Variants in CNTLN observed in about 807,000 individuals in gnomAD.
CNTLN encodes centlein.
CNTLN carries 212 observed loss-of-function variants against 180.0 expected under a neutral mutation model. That is an observed-to-expected ratio of 1.18 (90% CI 1.05 to 1.32). The LOEUF is 1.32. CNTLN is among the 40% of genes most tolerant of loss of function. The probability of loss-of-function intolerance (pLI) is 0.00; values close to 1 mark genes in which losing one functional copy is unlikely to be tolerated. For missense variants in CNTLN, 2,095 were observed against 1,610.9 expected (o/e 1.30, Z -5.14); for synonymous variants, 722 against 563.1 (o/e 1.28, Z -3.99).
intron 2 of CNTLN, among the ~76,000 whole-genome samples, chr9:17,147,184 G>A (rs1259728281): frequency 6.6e-6 from 1 of 152,224 alleles, no homozygotes; most frequent in African/African-American, 2.4e-5. Context: ...CCTGAAAGGT[G>A]TGTAGTAGAT....
chr9:17,188,544 A>C (rs529683623), intron 2 of CNTLN, among the ~76,000 whole-genome samples: 1 of 152,192 alleles, frequency 6.6e-6, no homozygotes, highest in Non-Finnish European at 1.5e-5. Context: ...GGGAAAGACT[A>C]TGATCCTCAT....
At chr9:17,438,622 C>A in intron 18 of CNTLN, among the ~76,000 whole-genome samples, 1 of 152,204 alleles carries the variant, frequency 6.6e-6, no homozygotes, top group East Asian at 1.9e-4. Flanking sequence ...TCCTTAGGAT[C>A]TAAAATCAAC....
Position 17,465,983 on chromosome 9 carries a change from A to C in CNTLN, c.3534A>C (p.Val1178=), listed in dbSNP as rs905534826. 6.3e-7 allele frequency: 1 copy of C among 1,599,878 alleles called. No individual in the cohort carries two copies. Among genetic ancestry groups the C allele is most frequent in the Non-Finnish European group, 8.5e-7 (1 of 1,170,926 alleles). The change falls in exon 22 of 26, where the codon GTA becomes GTC. Residue 1178 remains valine (V), a splice_region_variant and synonymous_variant. Transcript: ENST00000380647. ...TTACCTTTATGCTTTTAATGTAGGT[A>C]AAGACATTAACTGAAGAATGTTCCA... The part of the protein sequence containing the change: ...SEMLQNLDKK[V]KTLTEECSNK...
intron 1 of CNTLN, among the ~76,000 whole-genome samples, chr9:17,139,307 C>T (rs1817926613): frequency 6.6e-6 from 1 of 151,800 alleles, no homozygotes; most frequent in Non-Finnish European, 1.5e-5. Context: ...AGGCTGGTCT[C>T]AAACTCCTGA....
intron 18 of CNTLN, among the ~76,000 whole-genome samples, chr9:17,454,440 G>A (rs765095118): frequency 6.6e-6 from 1 of 152,196 alleles, no homozygotes; most frequent in Non-Finnish European, 1.5e-5. Flanking sequence ...TTCAATACCT[G>A]TGTAGTAGTG....
At chr9:17,156,498 TTC>T (rs1819299726) in intron 2 of CNTLN, among the ~76,000 whole-genome samples, 1 of 152,168 alleles carries the variant, frequency 6.6e-6, no homozygotes, top group Non-Finnish European at 1.5e-5. Context: ...TCTTCCATCT[TTC>T]TCTTACTCTT....
chr9:17,307,563 C>A (rs1031208995), intron 7 of CNTLN, among the ~76,000 whole-genome samples: 1 of 151,808 alleles, frequency 6.6e-6, no homozygotes, highest in African/African-American at 2.4e-5. Context: ...AGCCACCTTC[C>A]CAGCCAGAGA....
At chr9:17,506,044 G>A (rs149232111), downstream of CNTLN, among the ~76,000 whole-genome samples, 1 of 150,414 alleles carries the variant, frequency 6.6e-6, no homozygotes, top group African/African-American at 2.4e-5. Flanking sequence ...TCACCTTTTT[G>A]ACAAATGGTC....
At chr9:17,344,025 G>T (rs1402723354) in intron 12 of CNTLN, among the ~76,000 whole-genome samples, 1 of 152,148 alleles carries the variant, frequency 6.6e-6, no homozygotes, top group Non-Finnish European at 1.5e-5. Flanking sequence ...TTTATCTGAT[G>T]ATCTTTAATG....
chr9:17,481,060 A>G (rs772311385), intron 23 of CNTLN, among the ~76,000 whole-genome samples: 1 of 152,022 alleles, frequency 6.6e-6, no homozygotes, highest in African/African-American at 2.4e-5. Context: ...TGCCAGCCCC[A>G]GATCCCAGCT....
chr9:17,202,136 G>A (rs1822575798), intron 2 of CNTLN, among the ~76,000 whole-genome samples: 1 of 152,204 alleles, frequency 6.6e-6, no homozygotes, highest in Admixed American at 6.5e-5. Flanking sequence ...CCATGTAGCT[G>A]TGAGGTTTTG....
chr9:17,270,313 T>C (rs1827838447), intron 5 of CNTLN, among the ~76,000 whole-genome samples: 1 of 152,180 alleles, frequency 6.6e-6, no homozygotes, highest in Admixed American at 6.5e-5. Flanking sequence ...TTAGTTTTTG[T>C]TTTTAAATCG....
intron 19 of CNTLN, among the ~76,000 whole-genome samples, 179 bp from the exon 20 acceptor site, chr9:17,462,737 T>G (rs1364045389): frequency 6.6e-6 from 1 of 151,598 alleles, no homozygotes; most frequent in Non-Finnish European, 1.5e-5. Context: ...AAAGTTTTAG[T>G]ATTATTATTT....
At chr9:17,378,306 C>T (rs145418492) in intron 13 of CNTLN, among the ~76,000 whole-genome samples, 3 of 151,984 alleles carry the variant, frequency 2.0e-5, no homozygotes, top group South Asian at 2.1e-4. Flanking sequence ...CAGTCTCCCA[C>T]GTAGCTAGGA....
chr9:17,137,269 C>T (rs928543262), intron 1 of CNTLN, among the ~76,000 whole-genome samples: 1 of 152,118 alleles, frequency 6.6e-6, no homozygotes, highest in South Asian at 2.1e-4. Flanking sequence ...TAGGCAGTAT[C>T]CCGCACCATA....
intron 1 of CNTLN, among the ~76,000 whole-genome samples, chr9:17,139,659 C>CA (rs1275449404): frequency 1.0e-3 from 135 of 132,542 alleles, no homozygotes; most frequent in Admixed American, 1.3e-3. Flanking sequence ...GACTTTGTCT[C>CA]AAAAAAAAAA....
At chr9:17,484,935 G>C (rs1024830952) in intron 24 of CNTLN, among the ~76,000 whole-genome samples, 1 of 151,932 alleles carries the variant, frequency 6.6e-6, no homozygotes, top group Non-Finnish European at 1.5e-5. Context: ...ACCAGTATAC[G>C]CTTTGAAAAT....
At chr9:17,453,584 T>C (rs1261286205) in intron 18 of CNTLN, among the ~76,000 whole-genome samples, 3 of 152,212 alleles carry the variant, frequency 2.0e-5, no homozygotes, top group African/African-American at 7.2e-5. Flanking sequence ...AAACAACATA[T>C]GCATTCGTTA....
At chr9:17,398,058 A>G (rs62559022) in intron 15 of CNTLN, among the ~76,000 whole-genome samples, 24,586 of 151,936 alleles carry the variant, frequency 0.16, 2,642 homozygotes, top group Middle Eastern at 0.27. Flanking sequence ...ATAAAATACT[A>G]TATCATATGA....
Sources: gnomAD v4.1 joint callset for allele counts (sites outside exome capture counted in the v4.1 genomes callset) on GRCh38, gnomAD v4.1.1 for gene constraint, MANE v1.5 for transcripts, NCBI Gene and HGNC (gene_info 2026-07-23, HGNC 2026-07-21) for gene names.